Variants in NBAS observed in about 807,000 individuals in gnomAD.
NBAS encodes NBAS subunit of NRZ tethering complex, also known as NAG/BC035112 fusion.
A neutral mutation model predicts 302.5 loss-of-function variants in NBAS; 219 were observed. That is an observed-to-expected ratio of 0.72 (90% CI 0.65 to 0.81). The LOEUF is 0.81. NBAS is among the 30% of genes least tolerant of loss of function. The pLI is 0.00. For synonymous variants in NBAS, 1,118 were observed against 1,021.6 expected (o/e 1.09, Z -1.80); for missense variants, 2,932 against 2,841.6 (o/e 1.03, Z -0.72).
chr2:15,142,676 G>A, the NBAS span, among the ~76,000 whole-genome samples: 10 of 152,278 alleles, frequency 6.6e-5, no homozygotes, highest in African/African-American at 2.4e-4. Context: ...CTATTTCCAC[G>A]GTGCCGGCTG....
chr2:15,460,505 C>G (rs888789642), intron 21 of NBAS, among the ~76,000 whole-genome samples: 3 of 152,210 alleles, frequency 2.0e-5, no homozygotes, highest in African/African-American at 7.2e-5. Context: ...GCTAAGCCCT[C>G]TTTTCTCCCA....
chr2:15,218,782 G>C lies in NBAS; in HGVS notation c.6423C>G (p.Pro2141=). The change falls in exon 48 of 52, where the codon CCC becomes CCG. Residue 2141 remains proline, a synonymous_variant. Coordinates refer to ENST00000281513, the MANE Select transcript of NBAS (RefSeq NM_015909.4). ...RTEAILKASW[P]QRQVDIADIE... ...TCAGACACTCCCTTACCTGTCTCTG[G>C]GGCCAGGAGGCTTTGAGAATGGCTT... The C allele has an allele frequency of 2.5e-6, 4 of 1,614,208 alleles. No individual in the cohort carries two copies. The highest frequency in any genetic ancestry group is 3.4e-6 in the Non-Finnish European group (4 of 1,180,040).
intron 31 of NBAS, among the ~76,000 whole-genome samples, chr2:15,373,969 T>C (rs1395141271): frequency 6.6e-6 from 1 of 152,144 alleles, no homozygotes; most frequent in Non-Finnish European, 1.5e-5. Flanking sequence ...AGGTCAGGTT[T>C]AAGGTCCAGT....
At chr2:15,066,062 C>T in the NBAS span, among the ~76,000 whole-genome samples, 92 of 130,712 alleles carry the variant, frequency 7.0e-4, 1 homozygote, top group South Asian at 0.023. Context: ...GAATAAATAG[C>T]CCAGAAATAA....
At chr2:15,199,392 G>C (rs16862424) in intron 48 of NBAS, among the ~76,000 whole-genome samples, 1 of 151,914 alleles carries the variant, frequency 6.6e-6, no homozygotes, top group African/African-American at 2.4e-5. Context: ...ACCTAGAAAA[G>C]AATCAAATTC....
At chr2:15,403,193 A>T (rs751842297) in intron 25 of NBAS, among the ~76,000 whole-genome samples, 2 of 152,222 alleles carry the variant, frequency 1.3e-5, no homozygotes, top group Non-Finnish European at 2.9e-5. Flanking sequence ...CTCATCAGTA[A>T]ACACAAAAGA....
At chr2:15,054,813 C>A in the NBAS span, among the ~76,000 whole-genome samples, 13 of 152,156 alleles carry the variant, frequency 8.5e-5, no homozygotes, top group African/African-American at 3.1e-4. Flanking sequence ...CATTTCCAAG[C>A]AGCACTTTCC....
the NBAS span, among the ~76,000 whole-genome samples, chr2:15,159,178 G>C: frequency 6.6e-6 from 1 of 152,184 alleles, no homozygotes; most frequent in African/African-American, 2.4e-5. Flanking sequence ...CCTTCGGTTT[G>C]CACTCCCAGG....
the NBAS span, among the ~76,000 whole-genome samples, chr2:14,987,472 A>AATAT: frequency 0.11 from 16,629 of 149,026 alleles, 980 homozygotes; most frequent in Middle Eastern, 0.2. Context: ...TCTTATGACA[A>AATAT]ATATATATAT....
the NBAS span, among the ~76,000 whole-genome samples, chr2:14,863,167 A>G: frequency 1.9e-3 from 291 of 152,304 alleles, 1 homozygote; most frequent in African/African-American, 6.6e-3. Context: ...TTATAATCTC[A>G]AATGGGATTA....
At chr2:15,303,504 C>A (rs1670899432) in intron 40 of NBAS, among the ~76,000 whole-genome samples, 1 of 152,102 alleles carries the variant, frequency 6.6e-6, no homozygotes, top group African/African-American at 2.4e-5. Context: ...TACTTCGAAC[C>A]CTTATCCTTC....
At chr2:15,367,162 G>A (rs1196994239) in intron 31 of NBAS, among the ~76,000 whole-genome samples, 1 of 152,090 alleles carries the variant, frequency 6.6e-6, no homozygotes, top group Non-Finnish European at 1.5e-5. Flanking sequence ...AGTGCTCACT[G>A]TTGCAATTTA....
At chr2:15,037,421 C>A in the NBAS span, among the ~76,000 whole-genome samples, 1 of 12,456 alleles carries the variant, frequency 8.0e-5, no homozygotes. Flanking sequence ...CCTGGCCCCA[C>A]CCGCAAGGCG....
chr2:15,060,495 C>T, the NBAS span, among the ~76,000 whole-genome samples: 1 of 152,096 alleles, frequency 6.6e-6, no homozygotes, highest in Non-Finnish European at 1.5e-5. Flanking sequence ...CTGTTTATTC[C>T]TCCCCTGATC....
intron 26 of NBAS, among the ~76,000 whole-genome samples, chr2:15,400,607 C>T (rs892987408): frequency 5.3e-5 from 8 of 152,232 alleles, no homozygotes; most frequent in African/African-American, 1.9e-4. Context: ...AAAGTATTTG[C>T]TTTTTGAAGA....
At chr2:15,307,501 G>A (rs966177941) in intron 40 of NBAS, among the ~76,000 whole-genome samples, 6 of 152,080 alleles carry the variant, frequency 3.9e-5, no homozygotes, top group African/African-American at 1.4e-4. Flanking sequence ...TGTACACAGT[G>A]GATTTTAAAG....
the NBAS span, among the ~76,000 whole-genome samples, chr2:15,161,162 G>C: frequency 6.6e-6 from 1 of 152,260 alleles, no homozygotes; most frequent in Non-Finnish European, 1.5e-5. Flanking sequence ...GACAACTTAC[G>C]CAAGTTTATT....
intron 47 of NBAS, among the ~76,000 whole-genome samples, chr2:15,220,954 A>G (rs1027050090): frequency 6.6e-6 from 1 of 152,098 alleles, no homozygotes; most frequent in Admixed American, 6.5e-5. Flanking sequence ...ATGCTATCTT[A>G]TGGCAATTTA....
In NBAS at chr2:15,218,920, G is replaced by A. The variant is rs757002384; in HGVS notation, c.6285C>T (p.Phe2095=). ...PEDLLEWLRP[F]CADDAWPVRP... ...GCACCGGCCAGGCGTCATCAGCACA[G>A]AAAGGCCGCAGCCACTCCAGCAGGT... is the stretch of plus-strand genomic sequence containing the variant. Residue 2095 remains phenylalanine (F), a synonymous_variant, in exon 48 of 52, where the codon TTC becomes TTT. Transcript: ENST00000281513. The A allele has an allele frequency of 1.2e-6, 2 of 1,614,234 alleles. No homozygotes were observed. Among genetic ancestry groups the A allele is most frequent in the Non-Finnish European group, 1.7e-6 (2 of 1,180,046 alleles).
Sources: gnomAD v4.1 joint callset for allele counts (sites outside exome capture counted in the v4.1 genomes callset) on GRCh38, gnomAD v4.1.1 for gene constraint, MANE v1.5 for transcripts, NCBI Gene and HGNC (gene_info 2026-07-23, HGNC 2026-07-21) for gene names.